Variants in RBMS3 observed in about 807,000 individuals in gnomAD.
The protein encoded by RBMS3 is RNA-binding motif, single-stranded-interacting protein 3.
RBMS3 carries 27 observed loss-of-function variants against 66.8 expected under a neutral mutation model. The observed-to-expected ratio is 0.40, with a 90% CI of 0.30 to 0.56. The LOEUF (loss-of-function observed/expected upper bound fraction) is 0.56. Ranked by LOEUF, RBMS3 falls within the 20% of genes least tolerant of loss-of-function variation. The pLI is 0.40. For synonymous variants in RBMS3, 188 were observed against 183.0 expected (o/e 1.03, Z -0.22); for missense variants, 513 against 549.5 (o/e 0.93, Z 0.66).
rs940964174 is a variant in RBMS3, at chr3:29,281,074, T to C, written c.-608T>C. 1 of 147,162 alleles carries C rather than the reference T, an allele frequency of 6.8e-6. No individual in the cohort carries two copies. The highest frequency in any genetic ancestry group is 2.5e-5 in the African/African-American group (1 of 39,962). The allele number at this position is 147,162 out of a possible 1,614,324, so 9.1% of individuals were successfully genotyped here. The stretch of plus-strand genomic sequence containing the variant: ...GACAGGACAAGCCCCGAACACCATG[T>C]CACTCTGGGAGGGAGACAGCAGCAA... On this transcript the variant is annotated 5_prime_UTR_variant, in exon 1 of 15. Coordinates refer to ENST00000383767, the MANE Select transcript of RBMS3 (RefSeq NM_001003793.3).
At chr3:29,492,958 G>A (rs2043605087) in intron 3 of RBMS3, among the ~76,000 whole-genome samples, 1 of 152,164 alleles carries the variant, frequency 6.6e-6, no homozygotes, top group Non-Finnish European at 1.5e-5. Flanking sequence ...TTTAAAGTCA[G>A]TATGGAAACA....
intron 14 of RBMS3, among the ~76,000 whole-genome samples, chr3:29,997,257 G>A (rs1274453410): frequency 3.3e-5 from 5 of 152,180 alleles, no homozygotes; most frequent in African/African-American, 7.2e-5. Flanking sequence ...AACAGGAACT[G>A]AAATTGTGGC....
chr3:29,908,888 T>C lies in RBMS3; in HGVS notation c.939+9133T>C, dbSNP rs556601605. On this transcript the variant is annotated intron_variant, in intron 10 of 14. Coordinates refer to ENST00000383767, the MANE Select transcript of RBMS3 (RefSeq NM_001003793.3). ...GGATAATTTAATTGAAAAGGTACAGTTGAAAATTTGTCAAAATTTTAGTAA... is the reference window on the plus strand; with the variant it reads ...GGATAATTTAATTGAAAAGGTACAGCTGAAAATTTGTCAAAATTTTAGTAA... Among the ~76,000 whole-genome samples the C allele has an allele frequency of 9.2e-5, 14 of 152,192 alleles. No individual in the cohort carries two copies. In the South Asian group the frequency reaches 2.9e-3, roughly 32 times the overall value.
chr3:29,985,741 C>T lies in RBMS3; in HGVS notation c.1099-2402C>T, dbSNP rs543296556. Among the ~76,000 whole-genome samples the T allele has an allele frequency of 8.2e-4, 125 of 152,244 alleles. 1 individual carries two copies. Among genetic ancestry groups the T allele is most frequent in the African/African-American group, 2.7e-3 (111 of 41,536 alleles). On this transcript the variant is annotated intron_variant, in intron 12 of 14. Coordinates refer to ENST00000383767, the MANE Select transcript of RBMS3 (RefSeq NM_001003793.3). ...CTCAGTTGGAAATGCAGAAGTCACC[C>T]GCCTTCTGCATTGATCTTGCTGGGA...
At chr3:29,569,973 A>AACAGTT (rs2046889915) in intron 3 of RBMS3, among the ~76,000 whole-genome samples, 3 of 44,310 alleles carry the variant, frequency 6.8e-5, no homozygotes, top group Non-Finnish European at 1.1e-4. Flanking sequence ...GACCAAGAAA[A>AACAGTT]GCAGTTGCTT....
At chr3:29,444,811 T>TTTTTTTC (rs2041764568) in intron 2 of RBMS3, among the ~76,000 whole-genome samples, 2 of 138,650 alleles carry the variant, frequency 1.4e-5, no homozygotes, top group Non-Finnish European at 3.1e-5. Flanking sequence ...TTTTTTTTTT[T>TTTTTTTC]TGCTCCATCT....
chr3:29,834,856 A>T (rs1477606439), intron 6 of RBMS3, among the ~76,000 whole-genome samples: 1 of 152,020 alleles, frequency 6.6e-6, no homozygotes, highest in Non-Finnish European at 1.5e-5. Flanking sequence ...CAAATGGATT[A>T]AAACAAGATG....
intron 1 of RBMS3, among the ~76,000 whole-genome samples, chr3:29,360,834 T>C (rs559523466): frequency 5.3e-5 from 8 of 152,184 alleles, no homozygotes; most frequent in African/African-American, 1.9e-4. Flanking sequence ...TCTTTGTTTG[T>C]TTAAAGTGTG....
In RBMS3 at chr3:29,562,055, T is replaced by C. The variant is rs568774303; in HGVS notation, c.308-25059T>C. Among the ~76,000 whole-genome samples the C allele has an allele frequency of 1.7e-4, 26 of 152,318 alleles. No individual in the cohort carries two copies. In the South Asian group the frequency reaches 5.2e-3, roughly 30 times the overall value. ...AGAGAAGCCTTTGTAAAGTTAGTGT[T>C]CTTTTTAAACATGATTTAGTTATTC... On this transcript the variant is annotated intron_variant, in intron 3 of 14. Coordinates refer to ENST00000383767, the MANE Select transcript of RBMS3 (RefSeq NM_001003793.3).
At chr3:29,621,187 C>CTTT (rs112009474) in intron 4 of RBMS3, among the ~76,000 whole-genome samples, 26 of 143,954 alleles carry the variant, frequency 1.8e-4, no homozygotes, top group African/African-American at 6.6e-4. Context: ...ATGTCTGCTT[C>CTTT]TTTTTTTTTT....
intron 10 of RBMS3, among the ~76,000 whole-genome samples, chr3:29,927,443 G>A (rs756223048): frequency 1.8e-4 from 27 of 152,088 alleles, no homozygotes; most frequent in Non-Finnish European, 2.5e-4. Flanking sequence ...AATATATAAG[G>A]TATTGCTAAT....
At chr3:29,999,892 A>G (rs999954000) in intron 14 of RBMS3, among the ~76,000 whole-genome samples, 14 of 152,004 alleles carry the variant, frequency 9.2e-5, no homozygotes, top group African/African-American at 2.9e-4. Context: ...CCTGTACCCT[A>G]AAACTTAAAG....
chr3:29,731,744 T>C (rs530783296), intron 4 of RBMS3, among the ~76,000 whole-genome samples: 83 of 152,258 alleles, frequency 5.5e-4, no homozygotes, highest in African/African-American at 1.9e-3. Flanking sequence ...AATATAGATT[T>C]GACAAAACTA....
intron 6 of RBMS3, among the ~76,000 whole-genome samples, chr3:29,852,126 A>G (rs561919973): frequency 1.4e-4 from 22 of 152,226 alleles, no homozygotes; most frequent in Non-Finnish European, 2.9e-4. Context: ...GCTTAGCCGT[A>G]TGCAGAAAAT....
chr3:29,860,232 G>C (rs745750404), intron 6 of RBMS3, among the ~76,000 whole-genome samples: 1 of 152,180 alleles, frequency 6.6e-6, no homozygotes, highest in African/African-American at 2.4e-5. Flanking sequence ...CTAAGTTTTT[G>C]TTGCAAGGCT....
chr3:29,929,870 G>C (rs1049501688), intron 10 of RBMS3, among the ~76,000 whole-genome samples: 1 of 151,882 alleles, frequency 6.6e-6, no homozygotes, highest in Non-Finnish European at 1.5e-5. Flanking sequence ...GCATAGGAAA[G>C]AGAAACCCAG....
At position 29,459,091 on chromosome 3, in the gene RBMS3, A is replaced by T. The variant is rs191320917; in HGVS notation, c.248+24176A>T. On this transcript the variant is annotated intron_variant, in intron 2 of 14. Coordinates refer to ENST00000383767, the MANE Select transcript of RBMS3 (RefSeq NM_001003793.3). The stretch of plus-strand genomic sequence containing the variant: ...CTGAAGAAGCTGCTGGGATGAGTGT[A>T]TCAGAACTTGCAAGTCATTTGTTCC... Among the ~76,000 whole-genome samples, 21 of 152,338 alleles carry T rather than the reference A, an allele frequency of 1.4e-4. No homozygotes were observed. The East Asian group carries it at 3.1e-3, about 22-fold the overall frequency.
chr3:29,850,864 A>G (rs2058916772), intron 6 of RBMS3, among the ~76,000 whole-genome samples: 1 of 152,178 alleles, frequency 6.6e-6, no homozygotes, highest in Admixed American at 6.5e-5. Flanking sequence ...AGGGATCGAG[A>G]AAGGATCCCT....
At chr3:29,673,029 A>T (rs2051075443) in intron 4 of RBMS3, among the ~76,000 whole-genome samples, 2 of 152,352 alleles carry the variant, frequency 1.3e-5, no homozygotes, top group South Asian at 4.1e-4. Context: ...AATGTAAAAG[A>T]ACAGAAATTA....
Sources: gnomAD v4.1 joint callset for allele counts (sites outside exome capture counted in the v4.1 genomes callset) on GRCh38, gnomAD v4.1.1 for gene constraint, MANE v1.5 for transcripts, NCBI Gene and HGNC (gene_info 2026-07-23, HGNC 2026-07-21) for gene names.